Variants in SEL1L2 observed in about 807,000 individuals in gnomAD.
SEL1L2 encodes the protein protein sel-1 homolog 2.
A neutral mutation model predicts 98.8 loss-of-function variants in SEL1L2; 89 were observed. The ratio of observed to expected loss-of-function variants is 0.90; its 90% CI spans 0.76 to 1.07. The LOEUF (loss-of-function observed/expected upper bound fraction) is 1.07. Ranked by LOEUF, SEL1L2 falls within the 50% of genes least tolerant of loss-of-function variation. SEL1L2 has a pLI of 0.00. For synonymous variants in SEL1L2, 262 were observed against 278.5 expected, an observed-to-expected ratio of 0.94 and a Z score of 0.59; for missense variants, 788 against 812.0, an observed-to-expected ratio of 0.97 and a Z score of 0.36.
intron 14 of SEL1L2, among the ~76,000 whole-genome samples, chr20:13,868,276 A>G (rs1008206874): frequency 6.6e-6 from 1 of 151,902 alleles, no homozygotes; most frequent in East Asian, 1.9e-4. Flanking sequence ...AATCCTGTCT[A>G]TCTATCACGG....
At chr20:13,966,094 G>A (rs1001558617) in intron 1 of SEL1L2, among the ~76,000 whole-genome samples, 15 of 152,076 alleles carry the variant, frequency 9.9e-5, no homozygotes, top group African/African-American at 1.9e-4. Flanking sequence ...AAATGGTGCC[G>A]ATAGACTTGC....
intron 1 of SEL1L2, among the ~76,000 whole-genome samples, chr20:13,978,809 C>G (rs2051671415): frequency 6.6e-6 from 1 of 152,300 alleles, no homozygotes; most frequent in African/African-American, 2.4e-5. Context: ...GTAATCCCAA[C>G]ACTTTGGGAG....
upstream of SEL1L2, among the ~76,000 whole-genome samples, chr20:13,991,481 TGGA>T (rs2052531477): frequency 6.6e-6 from 1 of 152,210 alleles, no homozygotes; most frequent in Non-Finnish European, 1.5e-5. Flanking sequence ...TAGCTCCTCC[TGGA>T]GGCTCCAGGG....
At chr20:13,951,149 C>T (rs1024860209) in intron 2 of SEL1L2, among the ~76,000 whole-genome samples, 4 of 150,916 alleles carry the variant, frequency 2.7e-5, no homozygotes, top group African/African-American at 4.9e-5. Flanking sequence ...TGGTGGCGGG[C>T]GCCTATAGTC....
chr20:13,877,353 T>G (rs1476199435), intron 11 of SEL1L2, among the ~76,000 whole-genome samples, 167 bp downstream of exon 11: 1 of 152,070 alleles, frequency 6.6e-6, no homozygotes, highest in Non-Finnish European at 1.5e-5. Flanking sequence ...TTTTAATTAT[T>G]TTGAGATGAG....
intron 10 of SEL1L2, among the ~76,000 whole-genome samples, chr20:13,878,407 G>A (rs1265845628): frequency 6.6e-6 from 1 of 151,558 alleles, no homozygotes; most frequent in Non-Finnish European, 1.5e-5. Flanking sequence ...GGGTTCAAGT[G>A]ATTCTCCTGC....
At chr20:13,957,525 T>A (rs545183254) in intron 1 of SEL1L2, among the ~76,000 whole-genome samples, 16 of 152,210 alleles carry the variant, frequency 1.1e-4, no homozygotes, top group African/African-American at 3.4e-4. Flanking sequence ...TAGGAACTGG[T>A]CCCAGATTGA....
chr20:13,970,004 C>T (rs1236688952), intron 1 of SEL1L2, among the ~76,000 whole-genome samples: 1 of 150,414 alleles, frequency 6.6e-6, no homozygotes, highest in Non-Finnish European at 1.5e-5. Context: ...TGTAAGATCT[C>T]TGAAGAAAGT....
At chr20:13,882,771 A>T (rs1049990082) in intron 10 of SEL1L2, among the ~76,000 whole-genome samples, 8 of 152,122 alleles carry the variant, frequency 5.3e-5, no homozygotes, top group African/African-American at 1.9e-4. Context: ...CTATTTTTTT[A>T]AAAATGCAGA....
chr20:13,987,390 G>T (rs1358045005), intron 1 of SEL1L2, among the ~76,000 whole-genome samples: 1 of 150,554 alleles, frequency 6.6e-6, no homozygotes, highest in Non-Finnish European at 1.5e-5. Context: ...CTGTTGCCCA[G>T]GCTGGAGTGC....
At chr20:13,913,628 G>T (rs763824067) in intron 5 of SEL1L2, 154 bp downstream of exon 5, 14 of 579,748 alleles carry the variant, frequency 2.4e-5, no homozygotes, top group Admixed American at 4.3e-5. Flanking sequence ...CTGTACTCCT[G>T]CCCTGACACC....
chr20:13,978,042 C>A (rs2051631441), intron 1 of SEL1L2, among the ~76,000 whole-genome samples: 1 of 152,034 alleles, frequency 6.6e-6, no homozygotes, highest in South Asian at 2.1e-4. Flanking sequence ...CCCCAAATAG[C>A]CAAAACAATC....
intron 17 of SEL1L2, among the ~76,000 whole-genome samples, chr20:13,861,277 G>A (rs1990093065): frequency 6.6e-6 from 1 of 151,878 alleles, no homozygotes; most frequent in African/African-American, 2.4e-5. Flanking sequence ...CCAAGCTCAA[G>A]CGATCATCCT....
chr20:13,992,296 G>A (rs542965280), upstream of SEL1L2, among the ~76,000 whole-genome samples: 38 of 152,188 alleles, frequency 2.5e-4, 1 homozygote, highest in South Asian at 7.9e-3. Flanking sequence ...CTGAGGTCAG[G>A]AGTTCAAGAC....
chr20:13,923,746 T>C (rs1319908498), intron 3 of SEL1L2, among the ~76,000 whole-genome samples: 2 of 152,156 alleles, frequency 1.3e-5, no homozygotes, highest in Non-Finnish European at 2.9e-5. Flanking sequence ...AGAGTAAGAC[T>C]CTTCCTCAAT....
At chr20:13,972,540 G>T (rs1459997618) in intron 1 of SEL1L2, among the ~76,000 whole-genome samples, 2 of 152,100 alleles carry the variant, frequency 1.3e-5, no homozygotes, top group Admixed American at 1.3e-4. Flanking sequence ...TTTTCATTTT[G>T]CTGGAGCATG....
intron 8 of SEL1L2, 114 bp from the exon 9 acceptor site, chr20:13,886,556 C>T: frequency 1.1e-6 from 1 of 899,532 alleles, no homozygotes. Flanking sequence ...GAAATCTGTT[C>T]AACTAATAGA....
intron 18 of SEL1L2, among the ~76,000 whole-genome samples, chr20:13,850,677 G>A (rs1568814746): frequency 6.6e-6 from 1 of 152,108 alleles, no homozygotes; most frequent in African/African-American, 2.4e-5. Context: ...CCAAACAACC[G>A]GAATGAGCCC....
chr20:13,870,693 T>C (rs1003507798), intron 12 of SEL1L2, among the ~76,000 whole-genome samples: 3 of 151,976 alleles, frequency 2.0e-5, no homozygotes, highest in Non-Finnish European at 4.4e-5. Flanking sequence ...GAGGCCAAGG[T>C]GGGCAGATCA....
Sources: allele counts gnomAD v4.1 joint callset (sites outside exome capture counted in the v4.1 genomes callset), GRCh38; gene constraint gnomAD v4.1.1; transcripts MANE v1.5; gene names NCBI Gene and HGNC (gene_info 2026-07-23, HGNC 2026-07-21).